The following DPP10 variants were observed in gnomAD, a reference collection of about 807,000 sequenced individuals.
The protein encoded by DPP10 is dipeptidyl peptidase like 10.
A neutral mutation model predicts 120.9 loss-of-function variants in DPP10; 33 were observed. The ratio of observed to expected loss-of-function variants is 0.27; its 90% CI spans 0.21 to 0.37. The LOEUF (loss-of-function observed/expected upper bound fraction) is 0.37. Among genes scored for constraint, DPP10 ranks in the 10% least tolerant of loss-of-function variants. The probability of loss-of-function intolerance (pLI) is 1.00; values close to 1 mark genes in which losing one functional copy is unlikely to be tolerated. For missense variants in DPP10, 816 were observed against 942.8 expected (o/e 0.87, Z 1.76); for synonymous variants, 337 against 326.1 (o/e 1.03, Z -0.36).
intron 1 of DPP10, among the ~76,000 whole-genome samples, chr2:115,194,014 T>C (rs2105247422): frequency 6.6e-6 from 1 of 152,314 alleles, no homozygotes; most frequent in Admixed American, 6.5e-5. Flanking sequence ...TTAAATCATC[T>C]TTTTCTAACA....
chr2:114,826,309 C>A (rs182829122), intron 1 of DPP10, among the ~76,000 whole-genome samples: 4 of 152,022 alleles, frequency 2.6e-5, no homozygotes, highest in Non-Finnish European at 5.9e-5. Flanking sequence ...AGCTTTTAAT[C>A]GGCTTGTGAA....
chr2:115,546,096 C>T (rs1035373868), intron 5 of DPP10, among the ~76,000 whole-genome samples: 7 of 152,100 alleles, frequency 4.6e-5, no homozygotes, highest in African/African-American at 7.2e-5. Flanking sequence ...AATCTGCATT[C>T]GGATTTGGGA....
At chr2:114,674,215 G>A (rs1698527532) in intron 1 of DPP10, among the ~76,000 whole-genome samples, 1 of 151,766 alleles carries the variant, frequency 6.6e-6, no homozygotes, top group African/African-American at 2.4e-5. Context: ...TTTTTGTAAT[G>A]TAATTAAAAT....
chr2:115,109,471 G>T (rs1476142374), intron 1 of DPP10, among the ~76,000 whole-genome samples: 1 of 151,964 alleles, frequency 6.6e-6, no homozygotes, highest in Non-Finnish European at 1.5e-5. Context: ...AGGAGGCGGA[G>T]GTTGCAGTGA....
chr2:114,842,300 A>T (rs1688221643), intron 1 of DPP10, among the ~76,000 whole-genome samples: 1 of 152,124 alleles, frequency 6.6e-6, no homozygotes, highest in South Asian at 2.1e-4. Context: ...GGTGGGAAAA[A>T]GATAAAGACA....
At chr2:115,144,208 T>C (rs1003673548) in intron 1 of DPP10, 1 of 152,186 alleles carries the variant, frequency 6.6e-6, no homozygotes. Flanking sequence ...CGAAGCATTA[T>C]TTTGGAAACA....
intron 1 of DPP10, among the ~76,000 whole-genome samples, chr2:115,051,092 C>T (rs1009914883): frequency 6.6e-6 from 1 of 152,084 alleles, no homozygotes; most frequent in East Asian, 1.9e-4. Context: ...ACACAACAGG[C>T]ATTAGACGTG....
At chr2:114,785,501 G>GT (rs1682691616) in intron 1 of DPP10, among the ~76,000 whole-genome samples, 3 of 152,144 alleles carry the variant, frequency 2.0e-5, no homozygotes, top group Non-Finnish European at 4.4e-5. Context: ...AGAATGAAAA[G>GT]TTAGATACTG....
chr2:114,853,857 G>A (rs1023469523), intron 1 of DPP10, among the ~76,000 whole-genome samples: 2 of 152,130 alleles, frequency 1.3e-5, no homozygotes, highest in Non-Finnish European at 2.9e-5. Flanking sequence ...CCATGTGGTT[G>A]TGAAACCATG....
In DPP10 at chr2:115,381,069, C is replaced by T. The variant is rs574405692; in HGVS notation, c.271+37157C>T. ...TCTCGTGGAGTATCTTTGTGGCATT[C>T]TCTGTATTTCCTGAATCTGAATGTT... On this transcript the variant is annotated intron_variant, in intron 3 of 25. Coordinates refer to ENST00000410059, the MANE Select transcript of DPP10 (RefSeq NM_020868.6). Among the ~76,000 whole-genome samples the T allele has an allele frequency of 2.7e-3, 412 of 152,182 alleles. 2 individuals are homozygous for T. Among genetic ancestry groups the T allele is most frequent in the African/African-American group, 9.6e-3 (400 of 41,498 alleles).
intron 1 of DPP10, among the ~76,000 whole-genome samples, chr2:114,805,360 G>C (rs1461017659): frequency 6.6e-6 from 1 of 152,112 alleles, no homozygotes; most frequent in African/African-American, 2.4e-5. Flanking sequence ...TTGGACACAC[G>C]AGTGCTCTTC....
chr2:115,602,958 A>C lies in DPP10; in HGVS notation c.441+76986A>C, dbSNP rs1258695531. On this transcript the variant is annotated intron_variant, in intron 5 of 25. Transcript: ENST00000410059. ...GTTAAAAGTAAATTTAAGGGAACTG[A>C]AAATTATTAAGGTTCTTGATTCTTG... Among the ~76,000 whole-genome samples the C allele has an allele frequency of 3.3e-5, 5 of 152,176 alleles. No homozygotes were observed. The East Asian group carries it at 9.6e-4, about 29-fold the overall frequency.
At chr2:114,898,438 T>A (rs1230527195) in intron 1 of DPP10, among the ~76,000 whole-genome samples, 1 of 151,902 alleles carries the variant, frequency 6.6e-6, no homozygotes, top group East Asian at 1.9e-4. Flanking sequence ...ACATGGCACA[T>A]GTATACATAT....
intron 5 of DPP10, among the ~76,000 whole-genome samples, chr2:115,593,744 T>A (rs527715636): frequency 6.6e-6 from 1 of 152,290 alleles, no homozygotes; most frequent in South Asian, 2.1e-4. Flanking sequence ...ATTCCCCCAT[T>A]TTTTACCAAA....
At chr2:115,675,800 G>A (rs2090206053) in intron 5 of DPP10, among the ~76,000 whole-genome samples, 1 of 152,116 alleles carries the variant, frequency 6.6e-6, no homozygotes, top group Admixed American at 6.5e-5. Context: ...CCAGGTTATT[G>A]CAGCACAATG....
At chr2:114,881,483 CTATCTATCATA>C (rs1558838735) in intron 1 of DPP10, among the ~76,000 whole-genome samples, 5 of 118,314 alleles carry the variant, frequency 4.2e-5, no homozygotes, top group African/African-American at 1.2e-4. Flanking sequence ...ATCTATCTAT[CTATCTATCATA>C]TCTCTCTGTC....
chr2:114,926,594 C>T (rs575097694), intron 1 of DPP10, among the ~76,000 whole-genome samples: 11 of 152,258 alleles, frequency 7.2e-5, no homozygotes, highest in South Asian at 6.2e-4. Context: ...TGCTGTGTTC[C>T]CATACTACAA....
chr2:115,605,819 A>G (rs1230572952), intron 5 of DPP10, among the ~76,000 whole-genome samples: 1 of 152,092 alleles, frequency 6.6e-6, no homozygotes, highest in African/African-American at 2.4e-5. Context: ...TTCTCTATCA[A>G]ACATCTTCCC....
At chr2:115,684,136 T>A (rs1042192598) in intron 5 of DPP10, among the ~76,000 whole-genome samples, 2 of 151,926 alleles carry the variant, frequency 1.3e-5, no homozygotes, top group Non-Finnish European at 2.9e-5. Flanking sequence ...AAATATTAAG[T>A]ATACTTTTAA....
Sources: gnomAD v4.1 joint callset for allele counts (sites outside exome capture counted in the v4.1 genomes callset) on GRCh38, gnomAD v4.1.1 for gene constraint, MANE v1.5 for transcripts, NCBI Gene and HGNC (gene_info 2026-07-23, HGNC 2026-07-21) for gene names.